Variants in TMEM132E observed in about 807,000 individuals in gnomAD.
TMEM132E encodes the protein transmembrane protein 132E.
In TMEM132E, 49 loss-of-function variants were observed where a neutral mutation model predicts 78.5. That is an observed-to-expected ratio of 0.62 (90% confidence interval 0.50 to 0.79). The LOEUF is 0.79. Among genes scored for constraint, TMEM132E ranks in the 30% least tolerant of loss-of-function variants. The pLI is 0.00. For synonymous variants in TMEM132E, 715 were observed against 670.6 expected, an observed-to-expected ratio of 1.07 and a Z score of -1.02; for missense variants, 1,403 against 1,470.9, an observed-to-expected ratio of 0.95 and a Z score of 0.75.
intron 8 of TMEM132E, among the ~76,000 whole-genome samples, chr17:34,636,401 C>T (rs151290576): frequency 6.6e-6 from 1 of 152,330 alleles, no homozygotes; most frequent in African/African-American, 2.4e-5. Flanking sequence ...GCTTGCTGCT[C>T]TTGCCACCTG....
intron 1 of TMEM132E, among the ~76,000 whole-genome samples, chr17:34,608,024 C>T (rs555004029): frequency 2.8e-4 from 43 of 152,330 alleles, no homozygotes; most frequent in African/African-American, 1.0e-3. Flanking sequence ...GCTCAGTCTC[C>T]AGCTCTTGTC....
chr17:34,636,581 T>A (rs1160074896), intron 8 of TMEM132E, among the ~76,000 whole-genome samples: 1 of 151,694 alleles, frequency 6.6e-6, no homozygotes, highest in Non-Finnish European at 1.5e-5. Flanking sequence ...AGTGAGGAGG[T>A]GACAGGTGAG....
chr17:34,583,266 A>G (rs1450853080), intron 1 of TMEM132E, among the ~76,000 whole-genome samples: 1 of 152,222 alleles, frequency 6.6e-6, no homozygotes, highest in Non-Finnish European at 1.5e-5. Context: ...GAATCGCCCT[A>G]CTGAGCGGAC....
intron 1 of TMEM132E, among the ~76,000 whole-genome samples, chr17:34,618,693 G>T (rs181343925): frequency 3.3e-5 from 5 of 152,276 alleles, no homozygotes; most frequent in African/African-American, 1.2e-4. Context: ...GCAGAGGAGT[G>T]CACCAGTTCT....
Position 34,580,770 on chromosome 17 carries a change from C to T in TMEM132E, c.-307C>T, listed in dbSNP as rs1348707582. The T allele has an allele frequency of 3.1e-6, 1 of 325,108 alleles. No individual in the cohort carries two copies. The highest frequency in any genetic ancestry group is 5.1e-5 in the Admixed American group (1 of 19,730). The allele number at this position is 325,108 out of a possible 1,614,324, so 20.1% of individuals were successfully genotyped here. A position where few individuals can be genotyped will look rare whatever the true frequency, so the allele number is the denominator to read the frequency against. ...GTAGCCCCCGGGACGCCCGCGGCCA[C>T]CGGGCTCCGGACTGCACGTGCAGCT... On this transcript the variant is annotated 5_prime_UTR_variant, in exon 1 of 9. Coordinates refer to ENST00000631683, the MANE Select transcript of TMEM132E (RefSeq NM_001304438.2).
At chr17:34,601,279 C>G (rs1906228988) in intron 1 of TMEM132E, among the ~76,000 whole-genome samples, 1 of 152,186 alleles carries the variant, frequency 6.6e-6, no homozygotes, top group Middle Eastern at 3.2e-3. Flanking sequence ...GGAGGCAGAC[C>G]GCATCTTGTG....
chr17:34,637,896 C>T lies in TMEM132E; in HGVS notation c.2889C>T (p.Ala963=). Residue 963 remains alanine (A), a synonymous_variant, in exon 9 of 9, where the codon GCC becomes GCT. Coordinates refer to ENST00000631683, the MANE Select transcript of TMEM132E (RefSeq NM_001304438.2). ...GCAACCCGCTGGAAACCGTGCCCGC[C>T]TTCTGCCACGGCGACCACCACAGCA... is the stretch of plus-strand genomic sequence containing the variant. ...PAGNPLETVP[A]FCHGDHHSSG... is the part of the protein sequence containing the mutation. The T allele has an allele frequency of 6.2e-7, 1 of 1,606,830 alleles. No homozygotes were observed. The highest frequency in any genetic ancestry group is 1.1e-5 in the South Asian group (1 of 90,954).
intron 1 of TMEM132E, among the ~76,000 whole-genome samples, chr17:34,590,924 G>A (rs1905846950): frequency 6.6e-6 from 1 of 152,096 alleles, no homozygotes; most frequent in South Asian, 2.1e-4. Context: ...GGGGCCTTGG[G>A]ATGGGAAATG....
chr17:34,623,018 A>C (rs1907009267), intron 1 of TMEM132E, among the ~76,000 whole-genome samples: 1 of 152,148 alleles, frequency 6.6e-6, no homozygotes, highest in Non-Finnish European at 1.5e-5. Flanking sequence ...GGGGGAGAGA[A>C]ACATTGAATA....
chr17:34,627,993 C>T (rs563374504), intron 2 of TMEM132E, among the ~76,000 whole-genome samples: 91 of 152,236 alleles, frequency 6.0e-4, no homozygotes, highest in African/African-American at 2.1e-3. Context: ...GCTGAAGTGT[C>T]GTATTTAGTA....
intron 1 of TMEM132E, among the ~76,000 whole-genome samples, chr17:34,619,824 C>T (rs1460407876): frequency 6.6e-6 from 1 of 152,164 alleles, no homozygotes; most frequent in African/African-American, 2.4e-5. Context: ...CAGGCAAACC[C>T]AGGAGCAAGT....
Position 34,637,538 on chromosome 17 carries a change from C to A in TMEM132E, c.2531C>A (p.Pro844Gln). The A allele has an allele frequency of 2.5e-6, 4 of 1,597,928 alleles. No individual in the cohort carries two copies. In the East Asian group the frequency reaches 6.7e-5, roughly 27 times the overall value. ...GGEDEARGAGPPGSALPAPEA... is the reference protein window; with the variant it reads ...GGEDEARGAGQPGSALPAPEA... The stretch of plus-strand genomic sequence containing the variant: ...GAGGACGAGGCCCGGGGAGCTGGCC[C>A]GCCGGGCTCTGCGCTACCCGCACCG... The change falls in exon 9 of 9, where the codon CCG becomes CAG. Residue 844 changes from proline (P) to glutamine (Q), a missense_variant. Pro to Gln is a moderately conservative substitution (Grantham distance 76, BLOSUM62 -1). This residue lies in a region of TMEM132E where 888 missense variants were observed against 952.8 expected (regional missense o/e 0.93). Transcript: ENST00000631683.
chr17:34,629,251 G>C, intron 4 of TMEM132E, 47 bp downstream of exon 4: 2 of 1,589,420 alleles, frequency 1.3e-6, no homozygotes, highest in Non-Finnish European at 1.7e-6. Flanking sequence ...GTCTATGCAT[G>C]TGTGCACATT....
intron 1 of TMEM132E, among the ~76,000 whole-genome samples, chr17:34,596,696 A>G (rs1906070396): frequency 6.6e-6 from 1 of 151,930 alleles, no homozygotes; most frequent in Admixed American, 6.6e-5. Context: ...GTGGGACAGA[A>G]CCCTGCAGGT....
intron 1 of TMEM132E, among the ~76,000 whole-genome samples, chr17:34,625,112 G>A (rs1907077277): frequency 6.6e-6 from 1 of 152,198 alleles, no homozygotes; most frequent in Non-Finnish European, 1.5e-5. Flanking sequence ...ACTGTGTGGG[G>A]GAGGAGAATG....
intron 1 of TMEM132E, among the ~76,000 whole-genome samples, chr17:34,622,778 G>A (rs1907000987): frequency 6.6e-6 from 1 of 152,216 alleles, no homozygotes; most frequent in Non-Finnish European, 1.5e-5. Context: ...AATAGAGCAG[G>A]GAGTAAAGCC....
chr17:34,609,994 A>G (rs1426189222), intron 1 of TMEM132E, among the ~76,000 whole-genome samples: 2 of 151,890 alleles, frequency 1.3e-5, no homozygotes, highest in African/African-American at 2.4e-5. Flanking sequence ...TGTTCCCTCC[A>G]TCCCTGACCC....
At chr17:34,598,977 T>G (rs762160921) in intron 1 of TMEM132E, among the ~76,000 whole-genome samples, 1 of 152,230 alleles carries the variant, frequency 6.6e-6, no homozygotes, top group Non-Finnish European at 1.5e-5. Flanking sequence ...AACCTTTACT[T>G]ACACTTCCAG....
intron 5 of TMEM132E, among the ~76,000 whole-genome samples, chr17:34,630,843 C>G (rs961500845): frequency 1.3e-5 from 2 of 152,134 alleles, no homozygotes; most frequent in Non-Finnish European, 2.9e-5. Context: ...CACAGCCCAG[C>G]CCACATGACA....
Sources: gnomAD v4.1 joint callset for allele counts (sites outside exome capture counted in the v4.1 genomes callset) on GRCh38, gnomAD v4.1.1 for gene constraint, gnomAD v4.1.1 regional missense constraint, MANE v1.5 for transcripts, NCBI Gene and HGNC (gene_info 2026-07-23, HGNC 2026-07-21) for gene names.